FAM171A1: variants seen among roughly 807,000 people sequenced by gnomAD.
FAM171A1 encodes protein FAM171A1.
FAM171A1 carries 23 observed loss-of-function variants against 74.9 expected under a neutral mutation model. The ratio of observed to expected loss-of-function variants is 0.31; its 90% CI spans 0.22 to 0.44. The LOEUF (loss-of-function observed/expected upper bound fraction) is 0.44, where lower values mean the gene tolerates loss of function less well. FAM171A1 is among the 20% of genes least tolerant of loss of function. The pLI, the probability that FAM171A1 is intolerant of heterozygous loss-of-function variation, is 1.00. For missense variants in FAM171A1, 1,162 were observed against 1,159.2 expected, an observed-to-expected ratio of 1.00 and a Z score of -0.03; for synonymous variants, 527 against 505.7, an observed-to-expected ratio of 1.04 and a Z score of -0.57.
intron 1 of FAM171A1, among the ~76,000 whole-genome samples, chr10:15,291,702 C>T (rs960593729): frequency 1.3e-5 from 2 of 152,154 alleles, no homozygotes; most frequent in Admixed American, 1.3e-4. Flanking sequence ...CTTCCCACCC[C>T]TCCTCCCCAG....
intron 1 of FAM171A1, among the ~76,000 whole-genome samples, chr10:15,306,470 T>G (rs1431823517): frequency 1.3e-5 from 2 of 152,192 alleles, no homozygotes; most frequent in East Asian, 3.9e-4. Flanking sequence ...GTTCAAGCGA[T>G]TCTCCTGACT....
At chr10:15,232,285 A>G (rs1229995062) in intron 5 of FAM171A1, among the ~76,000 whole-genome samples, 1 of 152,074 alleles carries the variant, frequency 6.6e-6, no homozygotes, top group African/African-American at 2.4e-5. Flanking sequence ...TCTCAGCTCA[A>G]ATGTCACTTC....
At chr10:15,336,328 T>TA (rs749537819) in intron 1 of FAM171A1, among the ~76,000 whole-genome samples, 2 of 150,006 alleles carry the variant, frequency 1.3e-5, no homozygotes, top group Non-Finnish European at 3.0e-5. Context: ...TTTTTTTTTT[T>TA]AAAAGGACCA....
At chr10:15,243,154 T>G (rs1834383773) in intron 5 of FAM171A1, among the ~76,000 whole-genome samples, 1 of 151,978 alleles carries the variant, frequency 6.6e-6, no homozygotes, top group Admixed American at 6.6e-5. Flanking sequence ...TTCCAGTGGG[T>G]GCCTGTATTC....
chr10:15,298,228 A>G (rs937945366), intron 1 of FAM171A1, among the ~76,000 whole-genome samples: 5 of 151,744 alleles, frequency 3.3e-5, no homozygotes, highest in Admixed American at 6.6e-5. Flanking sequence ...TTCGCCTTCC[A>G]GGTTGAAGCG....
At chr10:15,243,307 C>A (rs11259573) in intron 5 of FAM171A1, among the ~76,000 whole-genome samples, 1 of 152,060 alleles carries the variant, frequency 6.6e-6, no homozygotes, top group African/African-American at 2.4e-5. Flanking sequence ...TGGGCCCACC[C>A]AGAAAGTCCA....
At chr10:15,353,849 C>T (rs1395909066) in intron 1 of FAM171A1, among the ~76,000 whole-genome samples, 1 of 152,042 alleles carries the variant, frequency 6.6e-6, no homozygotes, top group Non-Finnish European at 1.5e-5. Context: ...AAGGGAGGAA[C>T]CTGAAGTAAA....
chr10:15,262,787 G>T (rs7920144), intron 3 of FAM171A1, among the ~76,000 whole-genome samples: 40 of 152,140 alleles, frequency 2.6e-4, no homozygotes, highest in Non-Finnish European at 4.9e-4. Flanking sequence ...ATCCAGGGAG[G>T]TGTGAGAGGA....
intron 1 of FAM171A1, among the ~76,000 whole-genome samples, chr10:15,320,422 C>T (rs747707184): frequency 1.3e-4 from 20 of 152,144 alleles, no homozygotes; most frequent in South Asian, 2.1e-4. Flanking sequence ...AATAGTGCTG[C>T]GATAAACATA....
At chr10:15,352,931 G>A (rs1835895509) in intron 1 of FAM171A1, among the ~76,000 whole-genome samples, 1 of 152,184 alleles carries the variant, frequency 6.6e-6, no homozygotes, top group Admixed American at 6.5e-5. Flanking sequence ...AAGTCACTGA[G>A]GGAGGAGACA....
chr10:15,300,846 A>C (rs890058871), intron 1 of FAM171A1, among the ~76,000 whole-genome samples: 1 of 152,126 alleles, frequency 6.6e-6, no homozygotes, highest in Non-Finnish European at 1.5e-5. Context: ...GCACAGTGAG[A>C]GCTTAATCAC....
intron 1 of FAM171A1, among the ~76,000 whole-genome samples, chr10:15,368,037 C>T (rs1044529896): frequency 6.6e-6 from 1 of 152,180 alleles, no homozygotes; most frequent in African/African-American, 2.4e-5. Context: ...TGGGTCAATA[C>T]TTTTGAACAA....
chr10:15,346,293 T>C (rs2131875228), intron 1 of FAM171A1, among the ~76,000 whole-genome samples: 1 of 152,276 alleles, frequency 6.6e-6, no homozygotes, highest in Middle Eastern at 3.4e-3. Flanking sequence ...ACACTGAGTC[T>C]TCCTATGTTG....
intron 1 of FAM171A1, among the ~76,000 whole-genome samples, chr10:15,309,711 G>A (rs60630216): frequency 0.02 from 2,971 of 152,318 alleles, 103 homozygotes; most frequent in African/African-American, 0.067. Context: ...AGGGGAAGAA[G>A]CTAATCCCAC....
chr10:15,317,606 G>A (rs749260342), intron 1 of FAM171A1, among the ~76,000 whole-genome samples: 1 of 151,824 alleles, frequency 6.6e-6, no homozygotes, highest in Non-Finnish European at 1.5e-5. Context: ...TATTGGCCAG[G>A]CTGGTCTCAA....
intron 1 of FAM171A1, among the ~76,000 whole-genome samples, chr10:15,321,390 C>T (rs1454708249): frequency 6.6e-6 from 1 of 152,154 alleles, no homozygotes; most frequent in Non-Finnish European, 1.5e-5. Context: ...TAGAAGGATA[C>T]CTCTCTGAAA....
chr10:15,212,546 AGC>A lies in FAM171A1; in HGVS notation c.*367_*368del. On this transcript the variant is annotated 3_prime_UTR_variant, in exon 8 of 8. Transcript: ENST00000378116. Reference sequence around the variant, plus strand: ...GGATTATTGTGATAAAAATGACTCAAGCGATGCAAAAAGTTTCATCTGTTCCC... The same window carrying A: ...GGATTATTGTGATAAAAATGACTCAAGATGCAAAAAGTTTCATCTGTTCCC... 4.0e-6 allele frequency: 1 copy of A among 248,524 alleles called. No individual in the cohort carries two copies. Among genetic ancestry groups the A allele is most frequent in the Middle Eastern group, 1.4e-3 (1 of 712 alleles). The allele number at this position is 248,524 out of a possible 1,614,324, so 15.4% of individuals were successfully genotyped here.
chr10:15,256,966 T>C (rs1026617592), intron 3 of FAM171A1, among the ~76,000 whole-genome samples: 8 of 152,368 alleles, frequency 5.3e-5, no homozygotes, highest in African/African-American at 1.4e-4. Context: ...TTCTGGTATT[T>C]TTTTCAATGA....
chr10:15,331,482 G>A lies in FAM171A1; in HGVS notation c.97+39474C>T, dbSNP rs555556389. 4.6e-5 allele frequency among the ~76,000 whole-genome samples: 7 copies of A among 152,128 alleles called. No individual in the cohort carries two copies. The South Asian group carries it at 8.3e-4, about 18-fold the overall frequency. ...CAGATGGGCACAGCAGGCTTGTGCT[G>A]GACACCAAAGGCGTGTTTCTGAGAC... On this transcript the variant is annotated intron_variant, in intron 1 of 7. Coordinates refer to ENST00000378116, the MANE Select transcript of FAM171A1 (RefSeq NM_001010924.2).
Sources: gnomAD v4.1 joint callset for allele counts (sites outside exome capture counted in the v4.1 genomes callset) on GRCh38, gnomAD v4.1.1 for gene constraint, MANE v1.5 for transcripts, NCBI Gene and HGNC (gene_info 2026-07-23, HGNC 2026-07-21) for gene names.